The following ARFGAP3 variants were observed in gnomAD, a reference collection of about 807,000 sequenced individuals.
The protein encoded by ARFGAP3 is ARF GTPase activating protein 3.
Under a neutral mutation model 75.0 loss-of-function variants are expected in ARFGAP3, and 72 were observed. The observed-to-expected ratio is 0.96, with a 90% CI of 0.79 to 1.17. The LOEUF is 1.17. ARFGAP3 is among the 50% of genes most tolerant of loss of function. ARFGAP3 has a pLI of 0.00. For synonymous variants in ARFGAP3, 221 were observed against 217.9 expected (o/e 1.01, Z -0.13); for missense variants, 620 against 626.6 (o/e 0.99, Z 0.11).
At chr22:42,847,908 A>G (rs550214930) in intron 1 of ARFGAP3, among the ~76,000 whole-genome samples, 1 of 151,442 alleles carries the variant, frequency 6.6e-6, no homozygotes, top group South Asian at 2.1e-4. Flanking sequence ...TCTGTCACCC[A>G]GGCTGGAGTG....
chr22:42,831,008 C>T (rs1405185172), intron 6 of ARFGAP3, among the ~76,000 whole-genome samples: 1 of 152,104 alleles, frequency 6.6e-6, no homozygotes, highest in Non-Finnish European at 1.5e-5. Flanking sequence ...CCTGTTAAGA[C>T]AGAAGGGTCG....
chr22:42,855,661 C>T (rs1602140544), intron 1 of ARFGAP3, among the ~76,000 whole-genome samples: 1 of 149,330 alleles, frequency 6.7e-6, no homozygotes, highest in Admixed American at 6.7e-5. Flanking sequence ...CCAGCCTGGG[C>T]GACAGAGCAA....
chr22:42,810,992 C>G (rs750010334), intron 11 of ARFGAP3, 48 bp from the exon 12 acceptor site: 2 of 1,600,088 alleles, frequency 1.2e-6, no homozygotes, highest in Non-Finnish European at 1.7e-6. Context: ...CTTGTTGACA[C>G]TCGTCCTGGG....
At chr22:42,833,866 A>G (rs1165227665) in intron 5 of ARFGAP3, among the ~76,000 whole-genome samples, 1 of 152,234 alleles carries the variant, frequency 6.6e-6, no homozygotes, top group Admixed American at 6.5e-5. Context: ...TAATGAGCTG[A>G]GATCGTGCCA....
chr22:42,828,588 T>A (rs1926146425), intron 6 of ARFGAP3, among the ~76,000 whole-genome samples: 3 of 151,836 alleles, frequency 2.0e-5, no homozygotes, highest in Admixed American at 2.0e-4. Flanking sequence ...CTGTGTTAGT[T>A]ACTGGGGTTT....
At chr22:42,837,656 A>G (rs1430839850) in intron 3 of ARFGAP3, among the ~76,000 whole-genome samples, 1 of 142,154 alleles carries the variant, frequency 7.0e-6, no homozygotes, top group African/African-American at 2.6e-5. Context: ...AAAAGCCTTG[A>G]AACATCTAAG....
At chr22:42,808,234 C>A (rs1156323514) in intron 13 of ARFGAP3, among the ~76,000 whole-genome samples, 6 of 151,680 alleles carry the variant, frequency 4.0e-5, no homozygotes, top group Non-Finnish European at 8.8e-5. Context: ...CTCATCTCTA[C>A]TAAAAATACA....
chr22:42,831,315 C>T, intron 6 of ARFGAP3, among the ~76,000 whole-genome samples: 1 of 147,176 alleles, frequency 6.8e-6, no homozygotes, highest in Non-Finnish European at 1.5e-5. Flanking sequence ...ACAGAAGGGT[C>T]TACATTTTAA....
intron 1 of ARFGAP3, among the ~76,000 whole-genome samples, chr22:42,849,926 T>C (rs1340917849): frequency 1.3e-5 from 2 of 152,178 alleles, no homozygotes; most frequent in Non-Finnish European, 2.9e-5. Context: ...CAATAAGTGT[T>C]TGCTGAATAG....
Position 42,845,562 on chromosome 22 carries a change from A to G in ARFGAP3, c.188+1952T>C, listed in dbSNP as rs551652890. 4.6e-5 allele frequency among the ~76,000 whole-genome samples: 7 copies of G among 151,788 alleles called. No individual in the cohort carries two copies. In the East Asian group the frequency reaches 1.4e-3, roughly 29 times the overall value. On this transcript the variant is annotated intron_variant, in intron 2 of 15. Transcript: ENST00000263245. ...AAAACCCAAAACAACAACAACAAAA[A>G]AAAACCCCAAGTTTGATTCAATGGG...
chr22:42,828,982 G>A (rs1926167134), intron 6 of ARFGAP3, among the ~76,000 whole-genome samples: 1 of 152,086 alleles, frequency 6.6e-6, no homozygotes, highest in Non-Finnish European at 1.5e-5. Context: ...ACTGTGCCTG[G>A]CCTCAAAGCC....
chr22:42,826,308 A>G (rs1926034610), intron 7 of ARFGAP3, among the ~76,000 whole-genome samples: 1 of 152,052 alleles, frequency 6.6e-6, no homozygotes, highest in Non-Finnish European at 1.5e-5. Flanking sequence ...TTATTTCCGT[A>G]AGGTGAGCCA....
chr22:42,810,340 G>A (rs5751375), intron 12 of ARFGAP3, among the ~76,000 whole-genome samples: 4 of 151,580 alleles, frequency 2.6e-5, no homozygotes, highest in South Asian at 2.1e-4. Context: ...GGTGTGCACC[G>A]GTAGTCTCAG....
chr22:42,852,994 C>CCT (rs1460974542), intron 1 of ARFGAP3, among the ~76,000 whole-genome samples: 4 of 151,994 alleles, frequency 2.6e-5, no homozygotes, highest in Non-Finnish European at 5.9e-5. Flanking sequence ...GAACTCCTGA[C>CCT]CTCAGGTGAT....
intron 14 of ARFGAP3, among the ~76,000 whole-genome samples, chr22:42,805,167 C>CA: frequency 6.6e-6 from 1 of 152,004 alleles, no homozygotes; most frequent in Non-Finnish European, 1.5e-5. Flanking sequence ...CACGAGGTGC[C>CA]AGGAACCAGG....
In ARFGAP3 at chr22:42,817,689, C is replaced by T. The variant is rs2146541854; in HGVS notation, c.941+40G>A. 3 of 1,499,576 alleles carry T rather than the reference C, an allele frequency of 2.0e-6. No homozygotes were observed. In the African/African-American group the frequency reaches 4.2e-5, roughly 21 times the overall value. 92.9% of individuals were successfully genotyped at this position (1,499,576 alleles called of 1,614,324 possible). ...GAAAAATCCACTGATGATTGACACA[C>T]TGTTTTAAATTCTAACTCCAAGAAA... On this transcript the variant is annotated intron_variant, in intron 10 of 15. Coordinates refer to ENST00000263245, the MANE Select transcript of ARFGAP3 (RefSeq NM_014570.5).
chr22:42,829,378 G>A (rs886531310), intron 6 of ARFGAP3, among the ~76,000 whole-genome samples: 35 of 152,194 alleles, frequency 2.3e-4, no homozygotes, highest in African/African-American at 7.0e-4. Context: ...TCAAGGCAGA[G>A]CCACACTCCA....
rs1465580787 is a variant in ARFGAP3 at position 42,823,695 on chromosome 22, G to T, written c.633C>A (p.Ser211=). ...NVPTKATLEV[S]SIIKKKPNQA... is the part of the protein sequence containing the mutation. The stretch of plus-strand genomic sequence containing the variant: ...GATTTGGTTTCTTTTTTATGATAGA[G>T]GATACCTCTGCCAAAAAATAAAAAT... Residue 211 remains serine, a synonymous_variant, in exon 8 of 16, where the codon TCC becomes TCA. Transcript: ENST00000263245. The T allele has an allele frequency of 1.3e-6, 2 of 1,567,616 alleles. No homozygotes were observed. Among genetic ancestry groups the T allele is most frequent in the African/African-American group, 1.4e-5 (1 of 72,570 alleles).
chr22:42,829,366 A>T (rs575796405), intron 6 of ARFGAP3, among the ~76,000 whole-genome samples: 50 of 152,364 alleles, frequency 3.3e-4, no homozygotes, highest in Middle Eastern at 3.4e-3. Context: ...AACCCATGCC[A>T]ATCAAGGCAG....
Sources: allele counts gnomAD v4.1 joint callset (sites outside exome capture counted in the v4.1 genomes callset), GRCh38; gene constraint gnomAD v4.1.1; transcripts MANE v1.5; gene names NCBI Gene and HGNC (gene_info 2026-07-23, HGNC 2026-07-21).